DDX10: variants seen among roughly 807,000 people sequenced by gnomAD.
DDX10 encodes the protein probable ATP-dependent RNA helicase DDX10.
DDX10 carries 74 observed loss-of-function variants against 104.3 expected under a neutral mutation model. The ratio of observed to expected loss-of-function variants is 0.71; its 90% CI spans 0.59 to 0.86. DDX10 has a LOEUF of 0.86. Among genes scored for constraint, DDX10 ranks in the 40% least tolerant of loss-of-function variants. The pLI, the probability that DDX10 is intolerant of heterozygous loss-of-function variation, is 0.00. For synonymous variants in DDX10, 351 were observed against 353.4 expected, an observed-to-expected ratio of 0.99 and a Z score of 0.08; for missense variants, 952 against 1,040.0, an observed-to-expected ratio of 0.92 and a Z score of 1.16.
intron 17 of DDX10, among the ~76,000 whole-genome samples, chr11:108,930,718 C>CT (rs1863965133): frequency 6.6e-6 from 1 of 152,120 alleles, no homozygotes; most frequent in South Asian, 2.1e-4. Context: ...TTAAAGAAAG[C>CT]TGTTTTTAAC....
intron 15 of DDX10, among the ~76,000 whole-genome samples, chr11:108,846,512 A>G (rs1009316249): frequency 6.6e-6 from 1 of 152,140 alleles, no homozygotes; most frequent in African/African-American, 2.4e-5. Flanking sequence ...TATGAACTGG[A>G]TTCCACAGAT....
chr11:108,665,077 C>A lies in DDX10; in HGVS notation c.-77C>A, dbSNP rs558537805. 2.1e-6 allele frequency: 3 copies of A among 1,457,858 alleles called. No homozygotes were observed. The highest frequency in any genetic ancestry group is 1.5e-5 in the South Asian group (1 of 66,870). 90.3% of individuals were successfully genotyped at this position (1,457,858 alleles called of 1,614,324 possible). ...CGCGCATGCGCCTCTGTGCGTTTGT[C>A]CCATGCTGGTTCCGTGAGTCTGGCC... On this transcript the variant is annotated 5_prime_UTR_variant, in exon 1 of 18. Transcript: ENST00000322536.
At chr11:108,898,788 G>C (rs943220555) in intron 16 of DDX10, among the ~76,000 whole-genome samples, 1 of 152,098 alleles carries the variant, frequency 6.6e-6, no homozygotes, top group Admixed American at 6.6e-5. Context: ...AGGTTCACTT[G>C]AATGTGGCGT....
rs113947088 is a variant in DDX10, at chr11:108,728,708, G to A, written c.1965+5246G>A. On this transcript the variant is annotated intron_variant, in intron 13 of 17. Coordinates refer to ENST00000322536, the MANE Select transcript of DDX10 (RefSeq NM_004398.4). ...TTTTAAAAATTTTTTTGTAGAGGTGGGTTCTTTCTGTGTTCCCCAGGATGG... is the reference window on the plus strand; with the variant it reads ...TTTTAAAAATTTTTTTGTAGAGGTGAGTTCTTTCTGTGTTCCCCAGGATGG... Among the ~76,000 whole-genome samples the A allele has an allele frequency of 4.4e-3, 666 of 151,788 alleles. 3 individuals are homozygous for A. The highest frequency in any genetic ancestry group is 6.9e-3 in the Non-Finnish European group (472 of 67,924).
At chr11:108,816,604 G>A (rs983469364) in intron 13 of DDX10, among the ~76,000 whole-genome samples, 1 of 149,910 alleles carries the variant, frequency 6.7e-6, no homozygotes, top group South Asian at 2.1e-4. Flanking sequence ...CCAGGCTGGA[G>A]TACAGTGGCA....
chr11:108,803,480 G>C (rs1862053296), intron 13 of DDX10, among the ~76,000 whole-genome samples: 1 of 150,618 alleles, frequency 6.6e-6, no homozygotes. Context: ...TGTAATCCCA[G>C]CTACTCCGGA....
intron 16 of DDX10, among the ~76,000 whole-genome samples, chr11:108,902,906 C>G (rs772274291): frequency 4.0e-5 from 6 of 151,732 alleles, no homozygotes; most frequent in Non-Finnish European, 8.8e-5. Context: ...TCAAAATAAC[C>G]TTAAATTTTT....
intron 15 of DDX10, 52 bp downstream of exon 15, chr11:108,841,528 A>G (rs781474069): frequency 3.4e-6 from 5 of 1,476,370 alleles, no homozygotes; most frequent in East Asian, 2.3e-5. Flanking sequence ...GTCCCGAAGT[A>G]TATCTAAATA....
chr11:108,729,562 C>T (rs2094309513), intron 13 of DDX10, among the ~76,000 whole-genome samples: 1 of 151,692 alleles, frequency 6.6e-6, no homozygotes, highest in African/African-American at 2.4e-5. Context: ...CAAGGAAGAA[C>T]AAAAGAAATT....
chr11:108,865,265 T>C (rs2134618239), intron 16 of DDX10, among the ~76,000 whole-genome samples: 1 of 152,292 alleles, frequency 6.6e-6, no homozygotes, highest in Admixed American at 6.5e-5. Flanking sequence ...TAGATCACTG[T>C]GTGGCCTTGA....
intron 16 of DDX10, among the ~76,000 whole-genome samples, chr11:108,905,433 A>T (rs1287144250): frequency 6.6e-6 from 1 of 151,628 alleles, no homozygotes; most frequent in Non-Finnish European, 1.5e-5. Context: ...AAATGTCATT[A>T]AAATATTATA....
intron 16 of DDX10, among the ~76,000 whole-genome samples, chr11:108,889,471 A>G (rs1386929091): frequency 1.3e-5 from 2 of 152,186 alleles, no homozygotes; most frequent in African/African-American, 4.8e-5. Context: ...TTGAAAAGGT[A>G]CAAAATAAAA....
Position 108,766,328 on chromosome 11 carries a change from G to A in DDX10, c.1965+42866G>A, listed in dbSNP as rs73556768. Among the ~76,000 whole-genome samples, 545 of 152,196 alleles carry A rather than the reference G, an allele frequency of 3.6e-3. 1 individual carries two copies. The highest frequency in any genetic ancestry group is 0.013 in the African/African-American group (521 of 41,538). On this transcript the variant is annotated intron_variant, in intron 13 of 17. Coordinates refer to ENST00000322536, the MANE Select transcript of DDX10 (RefSeq NM_004398.4). ...TTTGTAATGTCTTACCTGTAACTTT[G>A]TTTCTGTCTTAATTGTCATCATGAG...
At position 108,740,168 on chromosome 11, in the gene DDX10, T is replaced by C. The variant is rs1159627064; in HGVS notation, c.1965+16706T>C. Among the ~76,000 whole-genome samples the C allele has an allele frequency of 2.0e-5, 3 of 152,126 alleles. No homozygotes were observed. In the East Asian group the frequency reaches 5.8e-4, roughly 29 times the overall value. On this transcript the variant is annotated intron_variant, in intron 13 of 17. Transcript: ENST00000322536. ...CTACCCTCAAGTAGGCCCCTGTGTC[T>C]CTTGTTGCCTTCAGATCCATATGTA...
chr11:108,903,325 C>T (rs1040772879), intron 16 of DDX10, among the ~76,000 whole-genome samples: 1 of 152,098 alleles, frequency 6.6e-6, no homozygotes, highest in African/African-American at 2.4e-5. Flanking sequence ...TGGTCCTTTG[C>T]GATGGGCTTC....
intron 13 of DDX10, among the ~76,000 whole-genome samples, chr11:108,741,638 T>C (rs887374803): frequency 1.3e-5 from 2 of 152,156 alleles, no homozygotes; most frequent in Non-Finnish European, 2.9e-5. Flanking sequence ...TGCTAGTTTT[T>C]ATAGATTGAT....
intron 16 of DDX10, among the ~76,000 whole-genome samples, chr11:108,915,429 CTTG>C (rs1219110993): frequency 6.5e-5 from 9 of 137,686 alleles, no homozygotes; most frequent in African/African-American, 1.8e-4. Flanking sequence ...ACTAAAAAGG[CTTG>C]TTTTTTTTTT....
At chr11:108,746,211 A>G (rs1231339037) in intron 13 of DDX10, among the ~76,000 whole-genome samples, 2 of 152,156 alleles carry the variant, frequency 1.3e-5, no homozygotes, top group Non-Finnish European at 2.9e-5. Context: ...TCCTTCAGAC[A>G]TAAGTAAGCA....
intron 16 of DDX10, among the ~76,000 whole-genome samples, chr11:108,888,793 AAAAC>A (rs1315891987): frequency 6.6e-6 from 1 of 152,050 alleles, no homozygotes. Context: ...TTAAAAAAAA[AAAAC>A]CACTTTTTTT....
Sources: allele counts gnomAD v4.1 joint callset (sites outside exome capture counted in the v4.1 genomes callset), GRCh38; gene constraint gnomAD v4.1.1; transcripts MANE v1.5; gene names NCBI Gene and HGNC (gene_info 2026-07-23, HGNC 2026-07-21).